CNIH3: variants seen among roughly 807,000 people sequenced by gnomAD.
The protein encoded by CNIH3 is protein cornichon homolog 3.
CNIH3 carries 14 observed loss-of-function variants against 24.1 expected under a neutral mutation model. The ratio of observed to expected loss-of-function variants is 0.58; its 90% CI spans 0.38 to 0.91. The LOEUF is 0.91. Ranked by LOEUF, CNIH3 falls within the 40% of genes least tolerant of loss-of-function variation. CNIH3 has a pLI of 0.00. For synonymous variants in CNIH3, 68 were observed against 73.8 expected (o/e 0.92, Z 0.40); for missense variants, 178 against 196.8 (o/e 0.90, Z 0.57).
At chr1:224,457,511 A>ATTTTTTTT (rs943521801) in intron 1 of CNIH3, among the ~76,000 whole-genome samples, 124 of 111,118 alleles carry the variant, frequency 1.1e-3, no homozygotes, top group African/African-American at 1.7e-3. Context: ...TGGTCTGGGG[A>ATTTTTTTT]TTTTTTTTTT....
chr1:224,485,925 A>G (rs1179354754), intron 1 of CNIH3, among the ~76,000 whole-genome samples: 1 of 152,146 alleles, frequency 6.6e-6, no homozygotes, highest in Non-Finnish European at 1.5e-5. Context: ...CTTGTTTTCA[A>G]GTTACATTAG....
At chr1:224,627,836 T>C (rs927461083) in intron 1 of CNIH3, among the ~76,000 whole-genome samples, 11 of 152,158 alleles carry the variant, frequency 7.2e-5, no homozygotes, top group African/African-American at 2.7e-4. Context: ...ACTGCCACGA[T>C]GGGCCTTGGC....
chr1:224,449,368 C>T (rs10916617), intron 1 of CNIH3, among the ~76,000 whole-genome samples: 27,904 of 152,068 alleles, frequency 0.18, 2,818 homozygotes, highest in Middle Eastern at 0.23. Context: ...TAATCTGTCT[C>T]CTCTCTTCCA....
intron 1 of CNIH3, chr1:224,459,160 T>G (rs1675800930): frequency 2.1e-6 from 2 of 956,842 alleles, no homozygotes; most frequent in South Asian, 9.8e-5. Flanking sequence ...AGGGCCCCTC[T>G]CTTTGCCTTC....
At position 224,728,847 on chromosome 1, in the gene CNIH3, G is replaced by A. The variant is rs552611629; in HGVS notation, c.199-1615G>A. Among the ~76,000 whole-genome samples, 11 of 152,342 alleles carry A rather than the reference G, an allele frequency of 7.2e-5. No homozygotes were observed. In the East Asian group the frequency reaches 1.7e-3, roughly 24 times the overall value. On this transcript the variant is annotated intron_variant, in intron 3 of 5. Coordinates refer to ENST00000272133, the MANE Select transcript of CNIH3 (RefSeq NM_152495.2). ...TGGTCATTTCAATGCACTTTACCAC[G>A]TATTTGTTAAGTCTCTCCTAACTGC...
rs531426807 is a variant in CNIH3, at chr1:224,625,561, A to G, written c.81+8306A>G. ...ACAGAGCGAGACTCCGTCTCAAAAG[A>G]AAAAAAGCACATTTTTGGGCTCTGC... On this transcript the variant is annotated intron_variant, in intron 1 of 5. Transcript: ENST00000272133. Among the ~76,000 whole-genome samples, 68 of 152,286 alleles carry G rather than the reference A, an allele frequency of 4.5e-4. 1 individual carries two copies. In the South Asian group the frequency reaches 0.014, roughly 31 times the overall value.
intron 1 of CNIH3, among the ~76,000 whole-genome samples, chr1:224,439,331 C>T (rs1362970767): frequency 1.3e-5 from 2 of 152,186 alleles, no homozygotes; most frequent in Non-Finnish European, 2.9e-5. Context: ...AACAGTTAGA[C>T]ATATTCACCT....
chr1:224,646,517 T>C (rs1407640098), intron 1 of CNIH3, among the ~76,000 whole-genome samples: 1 of 152,206 alleles, frequency 6.6e-6, no homozygotes, highest in Non-Finnish European at 1.5e-5. Flanking sequence ...GCAATCCTCC[T>C]ACCTTAACCT....
At chr1:224,734,861 A>G (rs983801560) in intron 5 of CNIH3, among the ~76,000 whole-genome samples, 155 bp downstream of exon 5, 1 of 152,264 alleles carries the variant, frequency 6.6e-6, no homozygotes, top group Admixed American at 6.5e-5. Flanking sequence ...CTGGCTCAGG[A>G]GCAAGGGCTT....
chr1:224,646,447 C>G (rs768423266), intron 1 of CNIH3, among the ~76,000 whole-genome samples: 1 of 152,206 alleles, frequency 6.6e-6, no homozygotes, highest in Non-Finnish European at 1.5e-5. Flanking sequence ...ACTCTGTCTT[C>G]CAGGCTGGAG....
intron 3 of CNIH3, among the ~76,000 whole-genome samples, chr1:224,608,433 C>T (rs1339707344): frequency 6.6e-6 from 1 of 152,182 alleles, no homozygotes; most frequent in East Asian, 1.9e-4. Flanking sequence ...CTTTTAAGGG[C>T]TTACAACTCT....
intron 3 of CNIH3, among the ~76,000 whole-genome samples, chr1:224,697,913 G>A (rs1687260170): frequency 6.6e-6 from 1 of 152,194 alleles, no homozygotes; most frequent in African/African-American, 2.4e-5. Flanking sequence ...CCTAGGTGGG[G>A]ACAATAAGAG....
At chr1:224,694,942 G>C (rs938434311) in intron 3 of CNIH3, among the ~76,000 whole-genome samples, 1 of 152,108 alleles carries the variant, frequency 6.6e-6, no homozygotes, top group South Asian at 2.1e-4. Context: ...TTGGGGGAAA[G>C]GTGGGAGGGG....
intron 1 of CNIH3, among the ~76,000 whole-genome samples, chr1:224,650,577 G>A (rs1005788965): frequency 2.1e-4 from 31 of 150,460 alleles, no homozygotes; most frequent in African/African-American, 6.1e-4. Flanking sequence ...CTTTGGGGCT[G>A]TTGTGTTGGC....
intron 1 of CNIH3, among the ~76,000 whole-genome samples, chr1:224,507,301 C>T (rs67267495): frequency 0.13 from 19,513 of 152,136 alleles, 1,334 homozygotes; most frequent in African/African-American, 0.16. Context: ...CCAGACAGAT[C>T]GGGTTCAAAT....
At chr1:224,647,470 CG>C (rs1264725088) in intron 1 of CNIH3, among the ~76,000 whole-genome samples, 1 of 152,114 alleles carries the variant, frequency 6.6e-6, no homozygotes, top group Non-Finnish European at 1.5e-5. Context: ...GCCTGGGTGT[CG>C]GGGTGGAGAC....
At chr1:224,689,761 T>C (rs1433131382) in intron 3 of CNIH3, among the ~76,000 whole-genome samples, 2 of 152,208 alleles carry the variant, frequency 1.3e-5, no homozygotes, top group African/African-American at 4.8e-5. Flanking sequence ...TCAAACTGGA[T>C]CTGTTTTTAG....
intron 1 of CNIH3, among the ~76,000 whole-genome samples, chr1:224,501,531 T>A (rs1241820655): frequency 1.6e-4 from 23 of 146,654 alleles, no homozygotes; most frequent in African/African-American, 5.8e-4. Flanking sequence ...ATATATTTTT[T>A]TTTTTTAACC....
rs191055406 is a variant in CNIH3 at position 224,578,154 on chromosome 1, C to A, written n.517-5010C>A. Among the ~76,000 whole-genome samples the A allele has an allele frequency of 7.9e-4, 120 of 151,624 alleles. No individual in the cohort carries two copies. The East Asian group carries it at 0.022, about 28-fold the overall frequency. On this transcript the variant is annotated intron_variant and non_coding_transcript_variant, in intron 4 of 5. Coordinates refer to the CNIH3 transcript ENST00000471578. ...TGCACCCAGACACCACCTCTTCCCC[C>A]AAAACTATTGAAATAAAAATTAAAA...
Sources: gnomAD v4.1 joint callset for allele counts (sites outside exome capture counted in the v4.1 genomes callset) on GRCh38, gnomAD v4.1.1 for gene constraint, MANE v1.5 for transcripts, NCBI Gene and HGNC (gene_info 2026-07-23, HGNC 2026-07-21) for gene names.